The following PEX1 variants were observed in gnomAD, a reference collection of about 807,000 sequenced individuals.
PEX1 encodes peroxisomal ATPase PEX1.
Under a neutral mutation model 152.5 loss-of-function variants are expected in PEX1, and 97 were observed. The ratio of observed to expected loss-of-function variants is 0.64; its 90% CI spans 0.54 to 0.75. PEX1 has a LOEUF of 0.75. Ranked by LOEUF, PEX1 falls within the 30% of genes least tolerant of loss-of-function variation. The pLI, the probability that PEX1 is intolerant of heterozygous loss-of-function variation, is 0.00. For synonymous variants in PEX1, 485 were observed against 531.6 expected (o/e 0.91, Z 1.21); for missense variants, 1,357 against 1,516.3 (o/e 0.89, Z 1.74).
At chr7:92,527,743 G>C (rs1158193859) in intron 1 of PEX1, among the ~76,000 whole-genome samples, 1 of 152,214 alleles carries the variant, frequency 6.6e-6, no homozygotes, top group Non-Finnish European at 1.5e-5. Flanking sequence ...CCAGAAGGGC[G>C]ACTGATCGCA....
chr7:92,524,290 C>T lies in PEX1; in HGVS notation c.130-2045G>A, dbSNP rs370587066. On this transcript the variant is annotated intron_variant, in intron 1 of 23. Coordinates refer to ENST00000248633, the MANE Select transcript of PEX1 (RefSeq NM_000466.3). ...GCTTTTTTTTTTTTTTTTCTTGAGA[C>T]GGAGACTCACTCTGTCACCCAGGCT... Among the ~76,000 whole-genome samples, 270 of 142,704 alleles carry T rather than the reference C, an allele frequency of 1.9e-3. 1 individual carries two copies. Among genetic ancestry groups the T allele is most frequent in the Non-Finnish European group, 3.0e-3 (201 of 65,976 alleles). The allele number at this position is 142,704 out of a possible 152,430, so 93.6% of individuals were successfully genotyped here. A position where few individuals can be genotyped will look rare whatever the true frequency, so the allele number is the denominator to read the frequency against.
At chr7:92,506,883 T>C (rs988155552) in intron 10 of PEX1, 111 bp downstream of exon 10, 3 of 1,018,124 alleles carry the variant, frequency 2.9e-6, no homozygotes, top group Non-Finnish European at 3.1e-6. Context: ...ATAAACCCTA[T>C]ATAATAGATG....
chr7:92,506,485 C>T (rs963935751), intron 10 of PEX1, 141 bp from the exon 11 acceptor site: 1 of 674,782 alleles, frequency 1.5e-6, no homozygotes, highest in Non-Finnish European at 2.7e-6. Context: ...AGAATACTTC[C>T]CATCTCATTT....
intron 6 of PEX1, among the ~76,000 whole-genome samples, chr7:92,512,442 C>T: frequency 6.6e-6 from 1 of 152,208 alleles, no homozygotes; most frequent in Admixed American, 6.5e-5. Flanking sequence ...CTTCAGTCAG[C>T]CTCCTGAGTA....
intron 9 of PEX1, among the ~76,000 whole-genome samples, chr7:92,508,442 G>A (rs955130858): frequency 1.8e-4 from 28 of 152,008 alleles, no homozygotes; most frequent in African/African-American, 6.0e-4. Flanking sequence ...GGAGGCTGAT[G>A]CGGAAGGATT....
At chr7:92,518,824 C>T (rs990351816) in intron 3 of PEX1, 171 bp downstream of exon 3, 21 of 629,966 alleles carry the variant, frequency 3.3e-5, no homozygotes, top group Admixed American at 3.1e-4. Context: ...CCTGCCTTGG[C>T]CTCCCAAAGT....
chr7:92,491,308 A>G lies in PEX1; in HGVS notation c.3402T>C (p.Tyr1134=), dbSNP rs758575707. Residue 1134 remains tyrosine, a synonymous_variant, in exon 21 of 24, where the codon TAT becomes TAC. Transcript: ENST00000248633. The part of the protein sequence containing the change: ...NMYRLYFGSS[Y]ESELGNGTSS... ...AGGTTCCATTTCCAAGTTCTGATTCATAAGAGCTTCCAAAGTAGAGCCGGT... is the reference window on the plus strand; with the variant it reads ...AGGTTCCATTTCCAAGTTCTGATTCGTAAGAGCTTCCAAAGTAGAGCCGGT... The G allele has an allele frequency of 6.2e-7, 1 of 1,613,690 alleles. No homozygotes were observed. The highest frequency in any genetic ancestry group is 1.3e-5 in the African/African-American group (1 of 75,040).
intron 17 of PEX1, among the ~76,000 whole-genome samples, chr7:92,495,022 C>A (rs1276982417): frequency 6.6e-6 from 1 of 151,826 alleles, no homozygotes; most frequent in African/African-American, 2.4e-5. Flanking sequence ...TACAAGTAAC[C>A]ATTTTTATAT....
At chr7:92,498,274 C>T (rs759993873) in intron 16 of PEX1, among the ~76,000 whole-genome samples, 7 of 151,396 alleles carry the variant, frequency 4.6e-5, no homozygotes, top group African/African-American at 9.7e-5. Flanking sequence ...GAGGCCAAGG[C>T]GGGCAGATCA....
chr7:92,520,940 A>G lies in PEX1; in HGVS notation c.273+1162T>C, dbSNP rs958404113. Among the ~76,000 whole-genome samples the G allele has an allele frequency of 6.6e-5, 10 of 151,608 alleles. No individual in the cohort carries two copies. The South Asian group carries it at 1.8e-3, about 27-fold the overall frequency. On this transcript the variant is annotated intron_variant, in intron 2 of 23. Transcript: ENST00000248633. Reference sequence around the variant, plus strand: ...GGTAAAAACTCATTTTTTACTTTCAATGGTAAAATAGTTATAATGAATATG... The same window carrying G: ...GGTAAAAACTCATTTTTTACTTTCAGTGGTAAAATAGTTATAATGAATATG...
In PEX1 at chr7:92,513,962, T is replaced by C; in HGVS notation, c.1245A>G (p.Pro415=). 1 of 1,565,850 alleles carries C rather than the reference T, an allele frequency of 6.4e-7. No homozygotes were observed. Among genetic ancestry groups the C allele is most frequent in the Non-Finnish European group, 8.8e-7 (1 of 1,141,584 alleles). The part of the protein sequence containing the change: ...EVLHLGKVWI[P]DDLRKRLNIE... ...TATTTAGTCTCTTCCTCAGGTCATC[T>C]GGAATCTGAAATTTAAAAATAAACA... Residue 415 remains proline (P), a synonymous_variant, in exon 6 of 24, where the codon CCA becomes CCG. Coordinates refer to ENST00000248633, the MANE Select transcript of PEX1 (RefSeq NM_000466.3).
chr7:92,515,936 G>C (rs993912078), intron 5 of PEX1, among the ~76,000 whole-genome samples: 1 of 151,662 alleles, frequency 6.6e-6, no homozygotes, highest in Non-Finnish European at 1.5e-5. Flanking sequence ...GGAGGTTGTA[G>C]TGAGTGGAGG....
At chr7:92,498,569 C>A (rs1791770433) in intron 16 of PEX1, among the ~76,000 whole-genome samples, 1 of 152,130 alleles carries the variant, frequency 6.6e-6, no homozygotes, top group African/African-American at 2.4e-5. Context: ...TAGAATAATA[C>A]ACGATTCCTT....
intron 1 of PEX1, among the ~76,000 whole-genome samples, chr7:92,523,200 G>A (rs1304794815): frequency 6.6e-6 from 1 of 152,132 alleles, no homozygotes; most frequent in Non-Finnish European, 1.5e-5. Context: ...ACAACCATGT[G>A]AACAATTTGG....
At position 92,506,329 on chromosome 7, in the gene PEX1, T is replaced by G; in HGVS notation, c.1819A>C (p.Thr607Pro). 4 of 1,606,192 alleles carry G rather than the reference T, an allele frequency of 2.5e-6. No individual in the cohort carries two copies. Among genetic ancestry groups the G allele is most frequent in the Non-Finnish European group, 3.4e-6 (4 of 1,172,980 alleles). ...TCTTTACAGATTGCTTTGGCTAAAG[T>G]TGATTTTCCACTTCCCTAGAAAATA... ...LTGGKGSGKS[T>P]LAKAICKEAF... The change falls in exon 11 of 24, where the codon ACT becomes CCT. Residue 607 changes from threonine to proline, a missense_variant. Coordinates refer to ENST00000248633, the MANE Select transcript of PEX1 (RefSeq NM_000466.3).
chr7:92,506,573 C>A, intron 10 of PEX1: 1 of 553,938 alleles, frequency 1.8e-6, no homozygotes, highest in Non-Finnish European at 3.2e-6. Flanking sequence ...TAATCACTTT[C>A]AAACTTAAAT....
Position 92,517,556 on chromosome 7 carries a change from T to C in PEX1, c.959A>G (p.Glu320Gly). 1 of 1,614,110 alleles carries C rather than the reference T, an allele frequency of 6.2e-7. No homozygotes were observed. The highest frequency in any genetic ancestry group is 8.5e-7 in the Non-Finnish European group (1 of 1,180,004). The stretch of plus-strand genomic sequence containing the variant: ...AAAGCTGGGCTCTACATCAAAATAT[T>C]CCTGGTCCCATGGAAATACATGAAT... ...CAIHVFPWDQ[E>G]YFDVEPSFTV... The change falls in exon 5 of 24, where the codon GAA (glutamate) becomes GGA (glycine). Residue 320 changes from glutamate (E) to glycine (G), a missense_variant. Coordinates refer to ENST00000248633, the MANE Select transcript of PEX1 (RefSeq NM_000466.3).
chr7:92,518,525 T>C (rs902670051), intron 3 of PEX1, among the ~76,000 whole-genome samples: 2 of 152,188 alleles, frequency 1.3e-5, no homozygotes, highest in African/African-American at 4.8e-5. Context: ...CCCAATACAA[T>C]TTTATTACCT....
chr7:92,528,196 C>T, intron 1 of PEX1, 111 bp downstream of exon 1: 3 of 1,425,076 alleles, frequency 2.1e-6, no homozygotes, highest in Non-Finnish European at 2.9e-6. Context: ...CTGATCTCTG[C>T]GCGCTTCGGC....
Sources: gnomAD v4.1 joint callset for allele counts (sites outside exome capture counted in the v4.1 genomes callset) on GRCh38, gnomAD v4.1.1 for gene constraint, MANE v1.5 for transcripts, NCBI Gene and HGNC (gene_info 2026-07-23, HGNC 2026-07-21) for gene names.